The following VRK3 variants were observed in gnomAD, a reference collection of about 807,000 sequenced individuals.
VRK3 encodes the protein VRK serine/threonine kinase 3.
In VRK3, 50 loss-of-function variants were observed where a neutral mutation model predicts 60.4. That is an observed-to-expected ratio of 0.83 (90% CI 0.66 to 1.05). The LOEUF is 1.05. Among genes scored for constraint, VRK3 ranks in the 50% least tolerant of loss-of-function variants. The pLI is 0.00. For missense variants in VRK3, 549 were observed against 585.3 expected (o/e 0.94, Z 0.64); for synonymous variants, 246 against 227.8 (o/e 1.08, Z -0.72).
chr19:50,014,848 A>G (rs141990063), intron 3 of VRK3, among the ~76,000 whole-genome samples: 11 of 152,264 alleles, frequency 7.2e-5, no homozygotes, highest in Non-Finnish European at 1.6e-4. Flanking sequence ...TATTCACAGG[A>G]TCTCTCTGGT....
chr19:49,992,913 GA>G lies in VRK3; in HGVS notation c.909del (p.His304MetfsTer4). Reference sequence around the variant, plus strand: ...ATATTTTCAGCTGTCACATTTCCATGAACATACTCATTCTCATGGAGGAACT... The same window carrying G: ...ATATTTTCAGCTGTCACATTTCCATGACATACTCATTCTCATGGAGGAACT... Reference protein sequence around the residue: ...ALEFLHENEYVHGNVTAENIF... With the variant: ...ALEFLHENEYXHGNVTAENIF... On this transcript the variant is annotated frameshift_variant, in exon 10 of 15. Transcript: ENST00000316763. LOFTEE classifies it high-confidence loss of function. 6.2e-7 allele frequency: 1 copy of G among 1,613,776 alleles called. No individual in the cohort carries two copies. The highest frequency in any genetic ancestry group is 1.3e-5 in the African/African-American group (1 of 75,044).
At chr19:49,985,458 C>A (rs2076495771) in intron 12 of VRK3, among the ~76,000 whole-genome samples, 1 of 152,198 alleles carries the variant, frequency 6.6e-6, no homozygotes, top group Non-Finnish European at 1.5e-5. Flanking sequence ...CAAACTGTGT[C>A]ATCCTTCTTG....
chr19:49,980,463 C>G (rs1367488720), intron 13 of VRK3, among the ~76,000 whole-genome samples: 1 of 152,124 alleles, frequency 6.6e-6, no homozygotes, highest in Admixed American at 6.6e-5. Flanking sequence ...TGCCTGTAAT[C>G]CCAGCACTTT....
At chr19:50,015,333 G>A (rs537061448) in intron 3 of VRK3, among the ~76,000 whole-genome samples, 12 of 151,176 alleles carry the variant, frequency 7.9e-5, no homozygotes, top group Non-Finnish European at 7.4e-5. Context: ...TTTTGACATC[G>A]AGTCTCACTC....
At chr19:50,003,687 T>C (rs2076847508) in intron 5 of VRK3, among the ~76,000 whole-genome samples, 1 of 152,260 alleles carries the variant, frequency 6.6e-6, no homozygotes, top group South Asian at 2.1e-4. Flanking sequence ...TGTTTTACTG[T>C]TATTGCTTTA....
intron 1 of VRK3, among the ~76,000 whole-genome samples, chr19:50,021,032 C>T (rs2077163070): frequency 1.3e-5 from 2 of 152,160 alleles, no homozygotes; most frequent in Non-Finnish European, 2.9e-5. Context: ...GAGGGCCTCG[C>T]CCAGAGGGAG....
intron 2 of VRK3, among the ~76,000 whole-genome samples, chr19:50,019,595 G>A (rs541537611): frequency 1.1e-4 from 15 of 142,408 alleles, no homozygotes; most frequent in Middle Eastern, 4.4e-3. Context: ...CTGCGGCCTC[G>A]AGCTCTTGGG....
At chr19:49,992,182 C>T (rs185469283) in intron 10 of VRK3, among the ~76,000 whole-genome samples, 47 of 152,204 alleles carry the variant, frequency 3.1e-4, no homozygotes, top group South Asian at 2.7e-3. Context: ...CAAAGGCGGG[C>T]GGATCACCTG....
At chr19:50,005,941 G>A (rs2076882744) in intron 5 of VRK3, among the ~76,000 whole-genome samples, 1 of 149,090 alleles carries the variant, frequency 6.7e-6, no homozygotes, top group Non-Finnish European at 1.5e-5. Context: ...ATTAGATAGT[G>A]ACGATGGTTG....
intron 12 of VRK3, among the ~76,000 whole-genome samples, chr19:49,984,554 C>T (rs58117051): frequency 0.062 from 9,394 of 152,268 alleles, 572 homozygotes; most frequent in East Asian, 0.27. Context: ...TGCGTCTGCC[C>T]GACCTCTGTG....
intron 2 of VRK3, among the ~76,000 whole-genome samples, chr19:50,020,010 G>C (rs1276752043): frequency 2.0e-5 from 3 of 151,744 alleles, no homozygotes; most frequent in Admixed American, 2.0e-4. Context: ...CCATGTAGCT[G>C]GGACTACAGG....
At chr19:50,023,512 T>C (rs144035063) in intron 1 of VRK3, among the ~76,000 whole-genome samples, 1 of 152,318 alleles carries the variant, frequency 6.6e-6, no homozygotes, top group Non-Finnish European at 1.5e-5. Context: ...GCATGTTTTA[T>C]CCTCCTTACC....
chr19:49,994,025 C>T (rs369155697), intron 9 of VRK3, among the ~76,000 whole-genome samples: 1 of 152,108 alleles, frequency 6.6e-6, no homozygotes, highest in African/African-American at 2.4e-5. Context: ...GCCTGCTGTG[C>T]GAGGCCCCGT....
chr19:50,009,413 T>C lies in VRK3; in HGVS notation c.140-28A>G, dbSNP rs572047947. The C allele has an allele frequency of 1.2e-4, 194 of 1,611,054 alleles. 1 individual carries two copies. In the South Asian group the frequency reaches 1.9e-3, roughly 16 times the overall value. On this transcript the variant is annotated intron_variant, in intron 3 of 14. Coordinates refer to ENST00000316763, the MANE Select transcript of VRK3 (RefSeq NM_016440.4). Reference sequence around the variant, plus strand: ...AAAGAAAGGCAGACAAAATGCAGACTGGAGTTACAAAGGCCCCTCTGCAGG... The same window carrying C: ...AAAGAAAGGCAGACAAAATGCAGACCGGAGTTACAAAGGCCCCTCTGCAGG...
At chr19:50,004,688 G>C (rs2076865393) in intron 5 of VRK3, among the ~76,000 whole-genome samples, 1 of 152,002 alleles carries the variant, frequency 6.6e-6, no homozygotes, top group South Asian at 2.1e-4. Flanking sequence ...CGGGAGGATC[G>C]CTTGAGCCCA....
At chr19:49,981,114 C>G (rs1260130354) in intron 12 of VRK3, 101 bp from the exon 13 acceptor site, 2 of 1,042,060 alleles carry the variant, frequency 1.9e-6, no homozygotes, top group Non-Finnish European at 2.9e-6. Flanking sequence ...GATATATACA[C>G]AGTCCCCTCT....
chr19:50,003,674 T>C (rs2076847227), intron 5 of VRK3, among the ~76,000 whole-genome samples: 1 of 151,908 alleles, frequency 6.6e-6, no homozygotes, highest in Non-Finnish European at 1.5e-5. Context: ...AGCTTGTTCT[T>C]GTTGTTTTAC....
chr19:50,012,920 C>T lies in VRK3; in HGVS notation c.139+3104G>A, dbSNP rs1010588722. On this transcript the variant is annotated intron_variant, in intron 3 of 14. Transcript: ENST00000316763. ...CAGTGGCTCACACCTATAATCCCAG[C>T]ACTTTGGGAGGCCGAGGCGGGTGGA... Among the ~76,000 whole-genome samples the T allele has an allele frequency of 4.6e-5, 7 of 151,824 alleles. No homozygotes were observed. In the East Asian group the frequency reaches 1.4e-3, roughly 29 times the overall value.
chr19:50,011,848 T>C (rs910856200), intron 3 of VRK3, among the ~76,000 whole-genome samples: 2 of 149,900 alleles, frequency 1.3e-5, no homozygotes, highest in Non-Finnish European at 3.0e-5. Flanking sequence ...GTCCTGCCTG[T>C]CTTCCCCCAG....
Sources: allele counts gnomAD v4.1 joint callset (sites outside exome capture counted in the v4.1 genomes callset), GRCh38; gene constraint gnomAD v4.1.1; transcripts MANE v1.5; gene names NCBI Gene and HGNC (gene_info 2026-07-23, HGNC 2026-07-21).